DNAAF3: variants seen among roughly 807,000 people sequenced by gnomAD.
DNAAF3 encodes dynein axonemal assembly factor 3.
In DNAAF3, 40 loss-of-function variants were observed where a neutral mutation model predicts 50.9. That is an observed-to-expected ratio of 0.79 (90% CI 0.61 to 1.02). The LOEUF is 1.02. Among genes scored for constraint, DNAAF3 ranks in the 50% least tolerant of loss-of-function variants. The pLI is 0.00. For synonymous variants in DNAAF3, 327 were observed against 322.8 expected (o/e 1.01, Z -0.14); for missense variants, 763 against 744.7 (o/e 1.02, Z -0.29).
chr19:55,164,821 C>A (rs1177282026), intron 4 of DNAAF3, among the ~76,000 whole-genome samples: 4 of 151,984 alleles, frequency 2.6e-5, no homozygotes, highest in Non-Finnish European at 2.9e-5. Context: ...CTGCACCCAG[C>A]CTCTCCTGGA....
intron 4 of DNAAF3, among the ~76,000 whole-genome samples, chr19:55,163,300 G>A (rs912022621): frequency 2.1e-5 from 3 of 142,398 alleles, no homozygotes; most frequent in South Asian, 2.3e-4. Context: ...GAGCCATCGC[G>A]CCCGGCGGCT....
chr19:55,159,827 C>G, intron 10 of DNAAF3, 72 bp downstream of exon 10: 1 of 1,493,804 alleles, frequency 6.7e-7, no homozygotes, highest in Non-Finnish European at 8.9e-7. Flanking sequence ...GGCCTGGACT[C>G]CTGGGTCTGA....
chr19:55,165,656 C>A, intron 3 of DNAAF3, 193 bp from the exon 4 acceptor site: 1 of 981,270 alleles, frequency 1.0e-6, no homozygotes, highest in Non-Finnish European at 1.5e-6. Context: ...CATCCTCGAG[C>A]TCTTCCCCAC....
Position 55,161,914 on chromosome 19 carries a change from A to G in DNAAF3, c.481-89T>C. ...TAATTGACCCTCTCTTCCATCCCAG[A>G]ACAGGGGAACGATTCCCCCGTTTCT... is the stretch of plus-strand genomic sequence containing the variant. On this transcript the variant is annotated intron_variant, in intron 5 of 11. Coordinates refer to ENST00000524407, the MANE Select transcript of DNAAF3 (RefSeq NM_001256715.2). This position sits in a 1 kb window ranked among gnomAD's most constrained non-coding sequence, Gnocchi z 6.4. The G allele has an allele frequency of 2.2e-6, 3 of 1,334,662 alleles. No individual in the cohort carries two copies. Among genetic ancestry groups the G allele is most frequent in the Non-Finnish European group, 2.9e-6 (3 of 1,042,738 alleles). The allele number at this position is 1,334,662 out of a possible 1,614,324, so 82.7% of individuals were successfully genotyped here. A position where few individuals can be genotyped will look rare whatever the true frequency, so the allele number is the denominator to read the frequency against.
Position 55,160,705 on chromosome 19 carries a change from C to T in DNAAF3, c.983G>A (p.Arg328Lys). The T allele has an allele frequency of 6.2e-7, 1 of 1,613,582 alleles. No individual in the cohort carries two copies. Among genetic ancestry groups the T allele is most frequent in the South Asian group, 1.1e-5 (1 of 91,080 alleles). Residue 328 changes from arginine (R) to lysine (K), a missense_variant, in exon 9 of 12, where the codon AGA becomes AAA. Physicochemically the swap from Arg to Lys is conservative, Grantham distance 26. Transcript: ENST00000524407. This position sits in a 1 kb window ranked among gnomAD's most constrained non-coding sequence, Gnocchi z 4.7. ...CTCCTCCAGGTCCCCCCCGGTGGCTCTCGCGCGCCCCCAGGCGGCCACGTC... is the reference window on the plus strand; with the variant it reads ...CTCCTCCAGGTCCCCCCCGGTGGCTTTCGCGCGCCCCCAGGCGGCCACGTC... ...LRDVAAWGRA[R>K]ATGGDLEEQQ...
intron 11 of DNAAF3, 23 bp from the exon 12 acceptor site, chr19:55,159,472 C>A (rs760079402): frequency 6.8e-6 from 11 of 1,608,392 alleles, no homozygotes; most frequent in Non-Finnish European, 9.4e-6. Flanking sequence ...AGCGCCCTGT[C>A]AGGGACCCAG....
Position 55,159,302 on chromosome 19 carries a change from C to T in DNAAF3, c.1386G>A (p.Leu462=). The T allele has an allele frequency of 1.2e-6, 2 of 1,614,128 alleles. No individual in the cohort carries two copies. The highest frequency in any genetic ancestry group is 2.2e-5 in the East Asian group (1 of 44,884). Reference sequence around the variant, plus strand: ...GTTCCACAGCTGGGACAGTGTTGCCCAGAGCTGATTCCTGGGACTTGCAGA... The same window carrying T: ...GTTCCACAGCTGGGACAGTGTTGCCTAGAGCTGATTCCTGGGACTTGCAGA... The part of the protein sequence containing the change: ...ARFCKSQESA[L]GNTVPAVEPG... The change falls in exon 12 of 12, where the codon CTG becomes CTA. Residue 462 remains leucine (L), a synonymous_variant. Coordinates refer to ENST00000524407, the MANE Select transcript of DNAAF3 (RefSeq NM_001256715.2).
At chr19:55,165,285 T>C (rs1053855603) in intron 4 of DNAAF3, 85 bp downstream of exon 4, 70 of 1,356,116 alleles carry the variant, frequency 5.2e-5, no homozygotes, top group East Asian at 6.9e-5. Context: ...AACCAAACTT[T>C]TTAATTGTAC....
At position 55,159,567 on chromosome 19, in the gene DNAAF3, C is replaced by A; in HGVS notation, c.1204G>T (p.Ala402Ser). The change falls in exon 11 of 12, where the codon GCA (alanine) becomes TCA (serine). Residue 402 changes from alanine to serine, a missense_variant. Transcript: ENST00000524407. ...TCCACAATCAAGTTCCCTCCGGGTG[C>A]CACACAGGCCCCAAGCTCAGGGATG... ...LLIPELGACV[A>S]PGGNLIVELA... is the part of the protein sequence containing the mutation. The A allele has an allele frequency of 1.2e-6, 2 of 1,605,686 alleles. No individual in the cohort carries two copies. The highest frequency in any genetic ancestry group is 1.7e-6 in the Non-Finnish European group (2 of 1,175,784).
chr19:55,160,907 T>G lies in DNAAF3; in HGVS notation c.913-132A>C. ...AGGATGTGAAGTGGGGCGGGACCTA[T>G]CCCGCGGGGATGGGGCCTGTTCTCT... On this transcript the variant is annotated intron_variant, in intron 8 of 11. Coordinates refer to ENST00000524407, the MANE Select transcript of DNAAF3 (RefSeq NM_001256715.2). The surrounding 1 kb of genome is among the most constrained non-coding windows in gnomAD (Gnocchi z 4.7). The G allele has an allele frequency of 6.9e-7, 1 of 1,455,358 alleles. No homozygotes were observed. The highest frequency in any genetic ancestry group is 1.4e-5 in the South Asian group (1 of 73,146). 90.2% of individuals were successfully genotyped at this position (1,455,358 alleles called of 1,614,324 possible).
In DNAAF3 at chr19:55,159,005, T is replaced by C; in HGVS notation, c.*57A>G. The C allele has an allele frequency of 6.6e-7, 1 of 1,518,078 alleles. No individual in the cohort carries two copies. Among genetic ancestry groups the C allele is most frequent in the Non-Finnish European group, 8.8e-7 (1 of 1,133,878 alleles). The allele number at this position is 1,518,078 out of a possible 1,614,324, so 94.0% of individuals were successfully genotyped here. ...GCGGACTTAGAATGGTATCAGCGGG[T>C]TCTCATCCTACAACCTGACTTTGGA... is the stretch of plus-strand genomic sequence containing the variant. On this transcript the variant is annotated 3_prime_UTR_variant, in exon 12 of 12. Transcript: ENST00000524407.
Position 55,159,242 on chromosome 19 carries a change from A to G in DNAAF3, c.1446T>C (p.Pro482=), listed in dbSNP as rs746451709. The G allele has an allele frequency of 6.2e-7, 1 of 1,613,926 alleles. No homozygotes were observed. Among genetic ancestry groups the G allele is most frequent in the East Asian group, 2.2e-5 (1 of 44,882 alleles). ...CAAGGGCTGGGTTGCTGGCTTCAAG[A>G]GGCTGGGCCAGGATGTCAAGGGGCG... ...GTPPLDILAQ[P]LEASNPALEG... Residue 482 remains proline, a synonymous_variant, in exon 12 of 12, where the codon CCT becomes CCC. Transcript: ENST00000524407.
rs2085848323 is a variant in DNAAF3, at chr19:55,162,156, A to G, written c.457T>C (p.Trp153Arg). The G allele has an allele frequency of 8.0e-7, 1 of 1,252,378 alleles. No homozygotes were observed. The highest frequency in any genetic ancestry group is 1.0e-6 in the Non-Finnish European group (1 of 991,860). The allele number at this position is 1,252,378 out of a possible 1,614,324, so 77.6% of individuals were successfully genotyped here. ...ACCTTGAGGGCGCGGAGGCTGAGCC[A>G]GGGCAGCTGTTCCTCCAGGCGGTCG... is the stretch of plus-strand genomic sequence containing the variant. Reference protein sequence around the residue: ...EPDRLEEQLPWLSLRALKFRE... With the variant: ...EPDRLEEQLPRLSLRALKFRE... The change falls in exon 5 of 12, where the codon TGG (tryptophan) becomes CGG (arginine). Residue 153 changes from tryptophan to arginine, a missense_variant. Coordinates refer to ENST00000524407, the MANE Select transcript of DNAAF3 (RefSeq NM_001256715.2).
At position 55,160,768 on chromosome 19, in the gene DNAAF3, C is replaced by T; in HGVS notation, c.920G>A (p.Gly307Glu). 1.2e-6 allele frequency: 2 copies of T among 1,610,076 alleles called. No individual in the cohort carries two copies. The highest frequency in any genetic ancestry group is 2.2e-5 in the East Asian group (1 of 44,852). The change falls in exon 9 of 12, where the codon GGG becomes GAG. Residue 307 changes from glycine (G) to glutamate (E), a missense_variant. Physicochemically the swap from Gly to Glu is moderately conservative, Grantham distance 98. Coordinates refer to ENST00000524407, the MANE Select transcript of DNAAF3 (RefSeq NM_001256715.2). The surrounding 1 kb of genome is among the most constrained non-coding windows in gnomAD (Gnocchi z 4.7). ...CGTCACGTTGTGTTGAGTGATCTCC[C>T]CGGCCGTCTAACAGTAGAAGGGGCG... ...TSNGQPVKTA[G>E]EITQHNVTEL...
chr19:55,161,000 G>T lies in DNAAF3; in HGVS notation c.912+65C>A. ...TGGGGGCGGGGCCTGCTGTGGGGGC[G>T]GGGCCTTGCGCACCCACCGACCCCC... On this transcript the variant is annotated intron_variant, in intron 8 of 11. Transcript: ENST00000524407. The surrounding 1 kb of genome is among the most constrained non-coding windows in gnomAD (Gnocchi z 4.7). 6.7e-7 allele frequency: 1 copy of T among 1,486,088 alleles called. No homozygotes were observed. The allele number at this position is 1,486,088 out of a possible 1,614,324, so 92.1% of individuals were successfully genotyped here. A position where few individuals can be genotyped will look rare whatever the true frequency, so the allele number is the denominator to read the frequency against.
Position 55,160,121 on chromosome 19 carries a change from G to A in DNAAF3, c.1049-108C>T. 2.7e-6 allele frequency: 2 copies of A among 745,302 alleles called. No individual in the cohort carries two copies. Among genetic ancestry groups the A allele is most frequent in the Non-Finnish European group, 4.7e-6 (2 of 427,034 alleles). The allele number at this position is 745,302 out of a possible 1,614,324, so 46.2% of individuals were successfully genotyped here. A position where few individuals can be genotyped will look rare whatever the true frequency, so the allele number is the denominator to read the frequency against. On this transcript the variant is annotated intron_variant, in intron 9 of 11. Transcript: ENST00000524407. This position sits in a 1 kb window ranked among gnomAD's most constrained non-coding sequence, Gnocchi z 4.7. ...GAGCTGGGCAGGCACACAGGACTTGGAGATAACACTTTTTGTCCTCTTGCA... is the reference window on the plus strand; with the variant it reads ...GAGCTGGGCAGGCACACAGGACTTGAAGATAACACTTTTTGTCCTCTTGCA...
chr19:55,165,655 G>A lies in DNAAF3; in HGVS notation c.229-192C>T, dbSNP rs1025180820. On this transcript the variant is annotated intron_variant, in intron 3 of 11. Transcript: ENST00000524407. ...ATTACTCAGAAGACCTCATCCTCGAGCTCTTCCCCACTATAGAACCCAGGA... is the reference window on the plus strand; with the variant it reads ...ATTACTCAGAAGACCTCATCCTCGAACTCTTCCCCACTATAGAACCCAGGA... 88 of 979,940 alleles carry A rather than the reference G, an allele frequency of 9.0e-5. 1 individual carries two copies. The highest frequency in any genetic ancestry group is 1.7e-5 in the South Asian group (1 of 60,358). The allele number at this position is 979,940 out of a possible 1,614,324, so 60.7% of individuals were successfully genotyped here. A position where few individuals can be genotyped will look rare whatever the true frequency, so the allele number is the denominator to read the frequency against.
rs368878245 is a variant in DNAAF3, at chr19:55,160,839, T to G, written c.913-64A>C. ...GATGGCGGGGCGGGGCTTAGAACGC[T>G]GGGAGTCCTCGGTCCAGGACTAGAA... On this transcript the variant is annotated intron_variant, in intron 8 of 11. Coordinates refer to ENST00000524407, the MANE Select transcript of DNAAF3 (RefSeq NM_001256715.2). This position sits in a 1 kb window ranked among gnomAD's most constrained non-coding sequence, Gnocchi z 4.7. The G allele has an allele frequency of 5.4e-3, 8,413 of 1,566,448 alleles. 33 individuals carry two copies. The highest frequency in any genetic ancestry group is 6.2e-3 in the Non-Finnish European group (7,185 of 1,164,856).
chr19:55,166,300 T>A lies in DNAAF3; in HGVS notation c.85+29A>T. The A allele has an allele frequency of 6.2e-7, 1 of 1,609,146 alleles. No individual in the cohort carries two copies. Reference sequence around the variant, plus strand: ...CTGCTCAGGCTGGGAAGGCAGACGGTGTATCAGACCTTGCGTGCTGGGACT... The same window carrying A: ...CTGCTCAGGCTGGGAAGGCAGACGGAGTATCAGACCTTGCGTGCTGGGACT... On this transcript the variant is annotated intron_variant, in intron 2 of 11. Coordinates refer to ENST00000524407, the MANE Select transcript of DNAAF3 (RefSeq NM_001256715.2). This position sits in a 1 kb window ranked among gnomAD's most constrained non-coding sequence, Gnocchi z 4.0.
Sources: allele counts gnomAD v4.1 joint callset (sites outside exome capture counted in the v4.1 genomes callset), GRCh38; gene constraint gnomAD v4.1.1; non-coding constraint Gnocchi (gnomAD v3.1); transcripts MANE v1.5; gene names NCBI Gene and HGNC (gene_info 2026-07-23, HGNC 2026-07-21).